Variants in SERPINB8 observed in about 807,000 individuals in gnomAD.
SERPINB8 encodes serpin family B member 8.
A neutral mutation model predicts 35.3 loss-of-function variants in SERPINB8; 25 were observed. That is an observed-to-expected ratio of 0.71 (90% confidence interval 0.52 to 0.99). SERPINB8 has a LOEUF of 0.99. SERPINB8 is among the 50% of genes least tolerant of loss of function. The pLI, the probability that SERPINB8 is intolerant of heterozygous loss-of-function variation, is 0.00. For missense variants in SERPINB8, 484 were observed against 446.5 expected (o/e 1.08, Z -0.76); for synonymous variants, 186 against 160.8 (o/e 1.16, Z -1.19).
At chr18:64,018,222 G>A (rs1299362907) in intron 7 of SERPINB8, among the ~76,000 whole-genome samples, 2 of 152,080 alleles carry the variant, frequency 1.3e-5, no homozygotes, top group East Asian at 3.9e-4. Context: ...TTTTCACAAT[G>A]TAACAATGAT....
chr18:63,986,547 T>C, intron 6 of SERPINB8: 1 of 1,327,360 alleles, frequency 7.5e-7, no homozygotes, highest in Non-Finnish European at 9.6e-7. Flanking sequence ...TGCATGAAGA[T>C]TAATGTAATG....
At chr18:64,000,981 G>A (rs772399111) in intron 1 of SERPINB8, among the ~76,000 whole-genome samples, 1 of 152,138 alleles carries the variant, frequency 6.6e-6, no homozygotes, top group Non-Finnish European at 1.5e-5. Flanking sequence ...TTGCTATGTA[G>A]GATTTGACCT....
intron 1 of SERPINB8, among the ~76,000 whole-genome samples, chr18:63,974,874 G>A (rs2050556003): frequency 6.6e-6 from 1 of 152,092 alleles, no homozygotes; most frequent in South Asian, 2.1e-4. Context: ...CACATGTATT[G>A]TGGCTGCAGG....
Position 63,988,649 on chromosome 18 carries a change from A to G in SERPINB8, c.*1371A>G, listed in dbSNP as rs1382730560. On this transcript the variant is annotated 3_prime_UTR_variant, in exon 7 of 7. Transcript: ENST00000397985. ...TTATTTCTTTAATGAGTTGGACTGAACAGTGGTTAATCCTGACTCTGTTTT... is the reference window on the plus strand; with the variant it reads ...TTATTTCTTTAATGAGTTGGACTGAGCAGTGGTTAATCCTGACTCTGTTTT... 6.6e-6 allele frequency: 1 copy of G among 152,188 alleles called. No individual in the cohort carries two copies. Among genetic ancestry groups the G allele is most frequent in the East Asian group, 1.9e-4 (1 of 5,200 alleles). 9.4% of individuals were successfully genotyped at this position (152,188 alleles called of 1,614,324 possible).
At chr18:64,008,677 G>A (rs1486500805), downstream of SERPINB8, among the ~76,000 whole-genome samples, 1 of 151,920 alleles carries the variant, frequency 6.6e-6, no homozygotes. Flanking sequence ...ACAAATAATA[G>A]AGAATTATTA....
chr18:63,994,113 C>T (rs1488236084), downstream of SERPINB8, among the ~76,000 whole-genome samples: 1 of 152,016 alleles, frequency 6.6e-6, no homozygotes, highest in Admixed American at 6.5e-5. Flanking sequence ...AGGAACCTTG[C>T]GTTTGGGACT....
chr18:64,017,388 G>C (rs532005430), intron 7 of SERPINB8, among the ~76,000 whole-genome samples: 3 of 152,062 alleles, frequency 2.0e-5, no homozygotes, highest in African/African-American at 7.2e-5. Context: ...TAGGAATCAG[G>C]TATAAATTTT....
At chr18:63,996,277 C>G (rs1333335410) in intron 1 of SERPINB8, among the ~76,000 whole-genome samples, 1 of 152,200 alleles carries the variant, frequency 6.6e-6, no homozygotes, top group Non-Finnish European at 1.5e-5. Context: ...TACAGTAGCT[C>G]TGTCTGGCCT....
downstream of SERPINB8, among the ~76,000 whole-genome samples, chr18:63,993,411 T>A (rs2050833946): frequency 6.6e-6 from 1 of 152,238 alleles, no homozygotes; most frequent in Non-Finnish European, 1.5e-5. Context: ...CATAGTCAGA[T>A]AACATGTTTT....
At chr18:63,999,769 T>C (rs920235256) in intron 1 of SERPINB8, among the ~76,000 whole-genome samples, 16 of 152,124 alleles carry the variant, frequency 1.1e-4, no homozygotes, top group African/African-American at 3.9e-4. Flanking sequence ...AAGCAACCTC[T>C]CCCAAGGAGC....
At chr18:63,970,325 T>C (rs1184574795) in intron 1 of SERPINB8, 155 bp downstream of exon 1, 1 of 172,408 alleles carries the variant, frequency 5.8e-6, no homozygotes, top group Non-Finnish European at 1.3e-5. Context: ...ACTAGGAGAA[T>C]GACGGCGGGA....
intron 1 of SERPINB8, among the ~76,000 whole-genome samples, chr18:63,973,675 G>A (rs1025494543): frequency 2.6e-5 from 4 of 152,322 alleles, no homozygotes; most frequent in South Asian, 2.1e-4. Context: ...TGTATAAGGT[G>A]TAAGGAAGGG....
chr18:64,015,504 T>C (rs2050945777), intron 7 of SERPINB8, among the ~76,000 whole-genome samples: 1 of 152,196 alleles, frequency 6.6e-6, no homozygotes, highest in Non-Finnish European at 1.5e-5. Flanking sequence ...GCCATATGCT[T>C]TCCTTTCTGC....
In SERPINB8 at chr18:63,988,374, G is replaced by A. The variant is rs2050793690; in HGVS notation, c.*1096G>A. The A allele has an allele frequency of 6.6e-6, 1 of 152,096 alleles. No homozygotes were observed. Among genetic ancestry groups the A allele is most frequent in the African/African-American group, 2.4e-5 (1 of 41,406 alleles). 9.4% of individuals were successfully genotyped at this position (152,096 alleles called of 1,614,324 possible). ...CTATAATTGAATCTAATTTTAGACA[G>A]TTTGAGTAATTAAAATTATTTCTAT... On this transcript the variant is annotated 3_prime_UTR_variant, in exon 7 of 7. Transcript: ENST00000397985.
intron 7 of SERPINB8, among the ~76,000 whole-genome samples, chr18:64,017,104 A>C (rs1326534176): frequency 6.6e-6 from 1 of 152,036 alleles, no homozygotes; most frequent in Non-Finnish European, 1.5e-5. Context: ...CCCTTCCTGA[A>C]CCTATTCTTT....
chr18:64,002,907 C>A (rs1184113998), intron 1 of SERPINB8, among the ~76,000 whole-genome samples: 2 of 152,212 alleles, frequency 1.3e-5, no homozygotes, highest in Non-Finnish European at 2.9e-5. Flanking sequence ...AGAAGGCCCC[C>A]AAGCCGGCGG....
chr18:63,984,720 C>T (rs1371557644), intron 5 of SERPINB8, among the ~76,000 whole-genome samples: 1 of 152,216 alleles, frequency 6.6e-6, no homozygotes, highest in Non-Finnish European at 1.5e-5. Flanking sequence ...CTAACCAGAT[C>T]CTTCAGCCCA....
chr18:63,979,663 C>A (rs1221340523), intron 2 of SERPINB8, 138 bp from the exon 3 acceptor site: 8 of 975,808 alleles, frequency 8.2e-6, no homozygotes, highest in Non-Finnish European at 1.2e-5. Context: ...GTTGAGAAAC[C>A]CTGTGCTAGA....
At chr18:64,007,048 C>T (rs1451008412), downstream of SERPINB8, among the ~76,000 whole-genome samples, 2 of 151,732 alleles carry the variant, frequency 1.3e-5, no homozygotes, top group African/African-American at 4.8e-5. Flanking sequence ...AAACTTGATT[C>T]TTTGAAAAAG....
Sources: gnomAD v4.1 joint callset for allele counts (sites outside exome capture counted in the v4.1 genomes callset) on GRCh38, gnomAD v4.1.1 for gene constraint, MANE v1.5 for transcripts, NCBI Gene and HGNC (gene_info 2026-07-23, HGNC 2026-07-21) for gene names.